The following PPM1F variants were observed in gnomAD, a reference collection of about 807,000 sequenced individuals.
The protein encoded by PPM1F is protein phosphatase 1F.
In PPM1F, 17 loss-of-function variants were observed where a neutral mutation model predicts 35.5. The observed-to-expected ratio is 0.48, with a 90% CI of 0.33 to 0.72. PPM1F has a LOEUF of 0.72. PPM1F is among the 30% of genes least tolerant of loss of function. The pLI, the probability that PPM1F is intolerant of heterozygous loss-of-function variation, is 0.02. For missense variants in PPM1F, 521 were observed against 613.0 expected, an observed-to-expected ratio of 0.85 and a Z score of 1.59; for synonymous variants, 241 against 255.5, an observed-to-expected ratio of 0.94 and a Z score of 0.54.
chr22:21,934,808 C>A (rs59050502), intron 3 of PPM1F: 6,406 of 145,494 alleles, frequency 0.044, 313 homozygotes, highest in East Asian at 0.23. Flanking sequence ...TCGCTTGAAC[C>A]TGGGAGGCGG....
intron 7 of PPM1F, among the ~76,000 whole-genome samples, chr22:21,924,181 A>T (rs924731517): frequency 1.1e-4 from 17 of 151,900 alleles, no homozygotes; most frequent in African/African-American, 3.9e-4. Context: ...TTTTCTAAGT[A>T]CCAGGAAGGA....
At position 21,933,523 on chromosome 22, in the gene PPM1F, A is replaced by G; in HGVS notation, c.615T>C (p.Ala205=). The part of the protein sequence containing the change: ...AVFDGHGGVD[A]ARYAAVHVHT... ...GCACGTGGACAGCGGCGTACCTCGCAGCATCCACGCCTCCGTGACCATCAA... is the reference window on the plus strand; with the variant it reads ...GCACGTGGACAGCGGCGTACCTCGCGGCATCCACGCCTCCGTGACCATCAA... The change falls in exon 5 of 8, where the codon GCT becomes GCC. Residue 205 remains alanine, a synonymous_variant. Coordinates refer to ENST00000263212, the MANE Select transcript of PPM1F (RefSeq NM_014634.4). The G allele has an allele frequency of 9.9e-6, 16 of 1,613,750 alleles. No homozygotes were observed. The highest frequency in any genetic ancestry group is 1.4e-5 in the Non-Finnish European group (16 of 1,179,976).
intron 4 of PPM1F, among the ~76,000 whole-genome samples, chr22:21,933,780 C>T (rs1049107938): frequency 6.6e-6 from 1 of 152,202 alleles, no homozygotes; most frequent in African/African-American, 2.4e-5. Context: ...TTGCTACAAG[C>T]ATAAAATGAG....
chr22:21,931,370 C>T (rs1362165486), intron 5 of PPM1F, 79 bp from the exon 6 acceptor site: 111 of 1,380,328 alleles, frequency 8.0e-5, no homozygotes, highest in Middle Eastern at 2.4e-4. Context: ...ATGAAGCTTC[C>T]GGGGGTGATG....
At chr22:21,952,524 C>T in intron 1 of PPM1F, 1 of 133,848 alleles carries the variant, frequency 7.5e-6, no homozygotes, top group South Asian at 2.9e-4. Context: ...CCAGTTCTGC[C>T]CCCTTGGCTC....
chr22:21,938,068 T>C (rs770025377), intron 3 of PPM1F: 104 of 1,267,530 alleles, frequency 8.2e-5, no homozygotes, highest in Non-Finnish European at 1.0e-4. Flanking sequence ...CAGGCCTGCA[T>C]GCGAGGCACT....
rs1327499279 is a variant in PPM1F at position 21,919,749 on chromosome 22, C to T, written c.*3343G>A. 1 of 152,362 alleles carries T rather than the reference C, an allele frequency of 6.6e-6. No individual in the cohort carries two copies. The highest frequency in any genetic ancestry group is 1.5e-5 in the Non-Finnish European group (1 of 68,126). 9.4% of individuals were successfully genotyped at this position (152,362 alleles called of 1,614,324 possible). A position where few individuals can be genotyped will look rare whatever the true frequency, so the allele number is the denominator to read the frequency against. ...CAGAATCGAACCAAAAACACTGCTTCCTTTAACACAGCCCAACTGGCTTAC... is the reference window on the plus strand; with the variant it reads ...CAGAATCGAACCAAAAACACTGCTTTCTTTAACACAGCCCAACTGGCTTAC... On this transcript the variant is annotated 3_prime_UTR_variant, in exon 8 of 8. Transcript: ENST00000263212.
At chr22:21,923,968 A>G (rs894766737) in intron 7 of PPM1F, among the ~76,000 whole-genome samples, 1 of 151,176 alleles carries the variant, frequency 6.6e-6, no homozygotes, top group Non-Finnish European at 1.5e-5. Context: ...GATTACAGGC[A>G]TGAGCCACCA....
chr22:21,934,777 C>T lies in PPM1F; in HGVS notation c.356-551G>A, dbSNP rs184489017. The T allele has an allele frequency of 1.1e-3, 169 of 148,174 alleles. 1 individual carries two copies. Among genetic ancestry groups the T allele is most frequent in the African/African-American group, 3.4e-3 (136 of 40,044 alleles). The allele number at this position is 148,174 out of a possible 1,614,324, so 9.2% of individuals were successfully genotyped here. On this transcript the variant is annotated intron_variant, in intron 3 of 7. Coordinates refer to ENST00000263212, the MANE Select transcript of PPM1F (RefSeq NM_014634.4). The stretch of plus-strand genomic sequence containing the variant: ...GCGGGCGCCTGTAATCCCAGCTACT[C>T]GGGAGGCTGAGGCAGGAGAATCGCT...
chr22:21,927,937 G>GTTTTTTTTTTTTTT (rs1392008034), intron 6 of PPM1F, among the ~76,000 whole-genome samples: 7 of 68,106 alleles, frequency 1.0e-4, no homozygotes, highest in East Asian at 6.1e-4. Context: ...TCTGTTTTTT[G>GTTTTTTTTTTTTTT]TTTTGTTTTT....
chr22:21,934,369 G>T (rs1024209368), intron 3 of PPM1F, 143 bp from the exon 4 acceptor site: 2 of 636,784 alleles, frequency 3.1e-6, no homozygotes, highest in Non-Finnish European at 5.3e-6. Context: ...TCAATAACGC[G>T]CACATGGCAG....
At chr22:21,951,466 C>T (rs2070837930) in intron 1 of PPM1F, 1 of 151,004 alleles carries the variant, frequency 6.6e-6, no homozygotes, top group South Asian at 2.1e-4. Flanking sequence ...AGCAATTCTC[C>T]TGCCTCAGCC....
In PPM1F at chr22:21,931,153, G is replaced by A. The variant is rs772750930; in HGVS notation, c.886C>T (p.Arg296Trp). The A allele has an allele frequency of 2.5e-6, 4 of 1,614,056 alleles. No individual in the cohort carries two copies. The East Asian group carries it at 6.7e-5, about 27-fold the overall frequency. Residue 296 changes from arginine (R) to tryptophan (W), a missense_variant, in exon 6 of 8, where the codon CGG (arginine) becomes TGG (tryptophan). This residue lies in a region of PPM1F where 47 missense variants were observed against 92.0 expected (regional missense o/e 0.51). Transcript: ENST00000263212. ...GGGCGCAGGGATCCCCTTACCTGCC[G>A]TTCTGGTCTGTGTGGCTCCATCAGC... ...VKLMEPHRPE[R>W]QDEKARIEAL...
At chr22:21,938,112 T>C (rs2070681016) in intron 3 of PPM1F, 1 of 1,298,168 alleles carries the variant, frequency 7.7e-7, no homozygotes, top group Admixed American at 2.3e-5. Context: ...AGGCGAGACT[T>C]CCTTCTAGCT....
chr22:21,931,010 T>A, intron 6 of PPM1F, 138 bp downstream of exon 6: 1 of 1,402,416 alleles, frequency 7.1e-7, no homozygotes, highest in Non-Finnish European at 9.5e-7. Flanking sequence ...GCCACTCAAA[T>A]CAGGCAGGGA....
At chr22:21,947,537 A>G (rs1275878691) in intron 1 of PPM1F, 1 of 152,228 alleles carries the variant, frequency 6.6e-6, no homozygotes, top group Non-Finnish European at 1.5e-5. Flanking sequence ...TTATGGTGAC[A>G]AACGGACATG....
In PPM1F at chr22:21,925,391, G is replaced by A. The variant is rs1441579672; in HGVS notation, c.985+178C>T. 11 of 581,456 alleles carry A rather than the reference G, an allele frequency of 1.9e-5. No individual in the cohort carries two copies. In the Admixed American group the frequency reaches 3.4e-4, roughly 18 times the overall value. The allele number at this position is 581,456 out of a possible 1,614,324, so 36.0% of individuals were successfully genotyped here. ...TAACTTACACTCAGACACTGGTGCT[G>A]CAGTCTCTGAATCTGCCCTGTTCCC... On this transcript the variant is annotated intron_variant, in intron 7 of 7. Coordinates refer to ENST00000263212, the MANE Select transcript of PPM1F (RefSeq NM_014634.4).
At chr22:21,931,800 G>A (rs555897976) in intron 5 of PPM1F, among the ~76,000 whole-genome samples, 49 of 151,502 alleles carry the variant, frequency 3.2e-4, no homozygotes, top group African/African-American at 1.2e-3. Flanking sequence ...TTACAGGCGT[G>A]AGTCACTGCG....
chr22:21,937,940 T>C (rs950058449), intron 3 of PPM1F: 19 of 473,854 alleles, frequency 4.0e-5, no homozygotes, highest in Non-Finnish European at 6.3e-5. Flanking sequence ...TGCTCTTCAG[T>C]GGCAATTCTT....
Sources: allele counts gnomAD v4.1 joint callset (sites outside exome capture counted in the v4.1 genomes callset), GRCh38; gene constraint gnomAD v4.1.1; regional missense constraint gnomAD v4.1.1; transcripts MANE v1.5; gene names NCBI Gene and HGNC (gene_info 2026-07-23, HGNC 2026-07-21).